The following LHFPL2 variants were observed in gnomAD, a reference collection of about 807,000 sequenced individuals.
The protein encoded by LHFPL2 is LHFPL tetraspan subfamily member 2, also known as LHFPL tetraspan subfamily member 2 protein.
In LHFPL2, 7 loss-of-function variants were observed where a neutral mutation model predicts 17.5. The ratio of observed to expected loss-of-function variants is 0.40; its 90% confidence interval spans 0.23 to 0.75. The LOEUF is 0.75. LHFPL2 is among the 30% of genes least tolerant of loss of function. The probability of loss-of-function intolerance (pLI) is 0.37; values close to 1 mark genes in which losing one functional copy is unlikely to be tolerated. For missense variants in LHFPL2, 241 were observed against 294.8 expected, an observed-to-expected ratio of 0.82 and a Z score of 1.34; for synonymous variants, 134 against 116.2, an observed-to-expected ratio of 1.15 and a Z score of -0.99.
chr5:78,558,763 C>T (rs1019637842), intron 3 of LHFPL2, among the ~76,000 whole-genome samples: 2 of 152,208 alleles, frequency 1.3e-5, no homozygotes, highest in African/African-American at 4.8e-5. Flanking sequence ...ATGGGCACTC[C>T]GGTCACATCA....
intron 4 of LHFPL2, among the ~76,000 whole-genome samples, chr5:78,501,973 G>A (rs1489386635): frequency 1.3e-5 from 2 of 151,914 alleles, no homozygotes; most frequent in African/African-American, 4.8e-5. Flanking sequence ...AAAAAGGGAA[G>A]GAACTGGTTA....
At chr5:78,518,728 C>T (rs979442078) in intron 3 of LHFPL2, among the ~76,000 whole-genome samples, 7 of 150,848 alleles carry the variant, frequency 4.6e-5, no homozygotes, top group Admixed American at 6.6e-5. Context: ...AGTCACTGCA[C>T]GCTCAAAGTT....
chr5:78,536,101 C>T (rs1406656117), intron 3 of LHFPL2, among the ~76,000 whole-genome samples: 1 of 152,134 alleles, frequency 6.6e-6, no homozygotes. Context: ...CAAGAACAGG[C>T]CAATGCAAGA....
chr5:78,489,935 A>T (rs1754382494), intron 4 of LHFPL2, among the ~76,000 whole-genome samples: 1 of 152,260 alleles, frequency 6.6e-6, no homozygotes. Flanking sequence ...AAGGAAATTC[A>T]CACAGAACCA....
chr5:78,518,373 G>A lies in LHFPL2; in HGVS notation c.-185-7975C>T, dbSNP rs187708487. On this transcript the variant is annotated intron_variant, in intron 3 of 4. Coordinates refer to ENST00000380345, the MANE Select transcript of LHFPL2 (RefSeq NM_005779.3). The stretch of plus-strand genomic sequence containing the variant: ...CACCTGCGGTCAGGGATCAAGGTAC[G>A]CAGCGTTTTCCAACTTTCCCTAGTG... Among the ~76,000 whole-genome samples, 10 of 152,316 alleles carry A rather than the reference G, an allele frequency of 6.6e-5. No individual in the cohort carries two copies. The East Asian group carries it at 1.5e-3, about 24-fold the overall frequency.
intron 2 of LHFPL2, among the ~76,000 whole-genome samples, chr5:78,590,477 T>C (rs1044966870): frequency 6.6e-6 from 1 of 152,202 alleles, no homozygotes; most frequent in South Asian, 2.1e-4. Context: ...TAAGTAAAGT[T>C]TGTACCAAAG....
intron 2 of LHFPL2, among the ~76,000 whole-genome samples, chr5:78,598,954 A>G (rs1743912968): frequency 6.6e-6 from 1 of 152,190 alleles, no homozygotes; most frequent in African/African-American, 2.4e-5. Context: ...AACACCTTCA[A>G]ATTTACTTCA....
At chr5:78,604,631 T>C (rs189484816) in intron 2 of LHFPL2, among the ~76,000 whole-genome samples, 73 of 152,358 alleles carry the variant, frequency 4.8e-4, no homozygotes, top group African/African-American at 1.7e-3. Flanking sequence ...TGCTATGTGA[T>C]CCAAGAAACT....
chr5:78,635,571 G>C (rs1745408602), intron 1 of LHFPL2, among the ~76,000 whole-genome samples: 1 of 152,244 alleles, frequency 6.6e-6, no homozygotes, highest in South Asian at 2.1e-4. Flanking sequence ...GGGAGGCCCA[G>C]GCGGGCGGAC....
intron 4 of LHFPL2, among the ~76,000 whole-genome samples, chr5:78,501,214 TCTC>T (rs1465662897): frequency 6.6e-6 from 1 of 152,206 alleles, no homozygotes; most frequent in African/African-American, 2.4e-5. Context: ...TATTATCTCC[TCTC>T]ATCATTTCAT....
intron 2 of LHFPL2, among the ~76,000 whole-genome samples, chr5:78,587,246 C>CTA (rs1743448981): frequency 6.6e-6 from 1 of 151,994 alleles, no homozygotes; most frequent in East Asian, 1.9e-4. Context: ...CTCACATTTT[C>CTA]CAGTCTGCTG....
chr5:78,593,160 G>A (rs1031244366), intron 2 of LHFPL2, among the ~76,000 whole-genome samples: 7 of 152,112 alleles, frequency 4.6e-5, no homozygotes, highest in African/African-American at 9.7e-5. Flanking sequence ...CACGGGGGGC[G>A]AAAGGAGATG....
chr5:78,636,932 C>T (rs545783727), intron 1 of LHFPL2, among the ~76,000 whole-genome samples: 2 of 152,090 alleles, frequency 1.3e-5, no homozygotes, highest in African/African-American at 2.4e-5. Flanking sequence ...GAAGACAGCC[C>T]TTCACAAGCA....
intron 4 of LHFPL2, among the ~76,000 whole-genome samples, chr5:78,504,749 C>T (rs1434571888): frequency 1.3e-5 from 2 of 152,202 alleles, no homozygotes; most frequent in Non-Finnish European, 2.9e-5. Flanking sequence ...AGCCTGCATA[C>T]ACCAGGCCCT....
At chr5:78,596,264 T>C (rs1413764684) in intron 2 of LHFPL2, among the ~76,000 whole-genome samples, 1 of 152,172 alleles carries the variant, frequency 6.6e-6, no homozygotes, top group African/African-American at 2.4e-5. Context: ...TCAAGAAAGA[T>C]GCAAGGAGAA....
intron 2 of LHFPL2, among the ~76,000 whole-genome samples, chr5:78,589,604 C>G (rs889897724): frequency 1.4e-4 from 22 of 152,210 alleles, no homozygotes; most frequent in African/African-American, 5.3e-4. Flanking sequence ...CCGCCTTTCC[C>G]TGTCCCTCCT....
intron 2 of LHFPL2, among the ~76,000 whole-genome samples, chr5:78,584,999 T>TAAGCCCG (rs1356291053): frequency 2.9e-3 from 218 of 76,186 alleles, no homozygotes; most frequent in South Asian, 4.7e-3. Context: ...CGCTGTGTTT[T>TAAGCCCG]TTTTTTTTTT....
At chr5:78,548,946 G>A in intron 3 of LHFPL2, 1 of 152,118 alleles carries the variant, frequency 6.6e-6, no homozygotes, top group South Asian at 2.1e-4. Flanking sequence ...ATTTCTATTG[G>A]GTGATACTGC....
intron 2 of LHFPL2, chr5:78,626,048 AT>A (rs1478270753): frequency 6.6e-6 from 1 of 152,326 alleles, no homozygotes; most frequent in Non-Finnish European, 1.5e-5. Context: ...TCTGCCAACC[AT>A]AAACTACACA....
Sources: gnomAD v4.1 joint callset for allele counts (sites outside exome capture counted in the v4.1 genomes callset) on GRCh38, gnomAD v4.1.1 for gene constraint, MANE v1.5 for transcripts, NCBI Gene and HGNC (gene_info 2026-07-23, HGNC 2026-07-21) for gene names.